Variants in UNC79 observed in about 807,000 individuals in gnomAD.
The protein encoded by UNC79 is unc-79 subunit of NALCN channel complex.
A neutral mutation model predicts 283.1 loss-of-function variants in UNC79; 37 were observed. The ratio of observed to expected loss-of-function variants is 0.13; its 90% CI spans 0.10 to 0.17. The LOEUF (loss-of-function observed/expected upper bound fraction) is 0.17, where lower values mean the gene tolerates loss of function less well. UNC79 is among the 10% of genes least tolerant of loss of function. UNC79 has a pLI of 1.00. For synonymous variants in UNC79, 1,107 were observed against 1,200.2 expected (o/e 0.92, Z 1.61); for missense variants, 2,272 against 3,211.1 (o/e 0.71, Z 7.07).
chr14:93,525,970 C>T (rs2060526397), intron 8 of UNC79, among the ~76,000 whole-genome samples: 1 of 152,110 alleles, frequency 6.6e-6, no homozygotes, highest in Admixed American at 6.5e-5. Context: ...TAGGTCAAAC[C>T]ATCCACTTTC....
Position 93,621,868 on chromosome 14 carries a change from T to A in UNC79, c.4635T>A (p.Pro1545=). The A allele has an allele frequency of 6.2e-7, 1 of 1,613,940 alleles. No homozygotes were observed. Among genetic ancestry groups the A allele is most frequent in the Non-Finnish European group, 8.5e-7 (1 of 1,179,988 alleles). The change falls in exon 30 of 49, where the codon CCT becomes CCA. Residue 1545 remains proline (P), a synonymous_variant. Transcript: ENST00000555664. The surrounding 1 kb of genome is among the most constrained non-coding windows in gnomAD (Gnocchi z 4.8). ...ATATCGCACAAAGACCAAACGACCC[T>A]GGACGTTCTAGACAGAACTCTGCTA...
At chr14:93,589,829 G>C (rs2064524132) in intron 22 of UNC79, among the ~76,000 whole-genome samples, 1 of 152,128 alleles carries the variant, frequency 6.6e-6, no homozygotes, top group Non-Finnish European at 1.5e-5. Flanking sequence ...TCGGAAAATA[G>C]AGGTGGGAGG....
chr14:93,394,760 G>A (rs970787111), intron 1 of UNC79, among the ~76,000 whole-genome samples: 1 of 152,186 alleles, frequency 6.6e-6, no homozygotes, highest in African/African-American at 2.4e-5. Context: ...CACCCAGGCT[G>A]GAGTATAGTG....
intron 1 of UNC79, chr14:93,464,497 C>G (rs909152228): frequency 2.2e-6 from 1 of 455,598 alleles, no homozygotes; most frequent in Admixed American, 2.4e-5. Flanking sequence ...ACTTAATCAC[C>G]CTTTTAAAGG....
At chr14:93,630,134 T>C (rs2067903615) in intron 30 of UNC79, among the ~76,000 whole-genome samples, 2 of 152,250 alleles carry the variant, frequency 1.3e-5, no homozygotes, top group Admixed American at 6.5e-5. Context: ...ACAAATAAAA[T>C]ACAAAATCTG....
At chr14:93,347,075 AG>A in intron 1 of UNC79, 2 of 532,902 alleles carry the variant, frequency 3.8e-6, no homozygotes, top group Non-Finnish European at 6.4e-6. Flanking sequence ...CAGAGAAAGG[AG>A]TGGTGAGCGG....
intron 29 of UNC79, among the ~76,000 whole-genome samples, chr14:93,620,173 C>T (rs903390544): frequency 3.3e-5 from 5 of 152,136 alleles, no homozygotes; most frequent in African/African-American, 9.7e-5. Context: ...TCATGAGATC[C>T]GTAATAGTTA....
intron 7 of UNC79, among the ~76,000 whole-genome samples, chr14:93,512,452 G>A (rs2059872133): frequency 6.6e-6 from 1 of 151,810 alleles, no homozygotes; most frequent in Admixed American, 6.6e-5. Context: ...GAAAAATTTG[G>A]GATATTATTC....
intron 23 of UNC79, 140 bp from the exon 24 acceptor site, chr14:93,597,219 T>C: frequency 1.2e-6 from 1 of 811,254 alleles, no homozygotes; most frequent in Non-Finnish European, 2.0e-6. Flanking sequence ...CCTGTTGGGA[T>C]TTAAAGTAAA....
In UNC79 at chr14:93,500,103, G is replaced by A. The variant is rs2059209069; in HGVS notation, c.898+2817G>A. Among the ~76,000 whole-genome samples, 3 of 152,142 alleles carry A rather than the reference G, an allele frequency of 2.0e-5. No homozygotes were observed. In the South Asian group the frequency reaches 6.2e-4, roughly 32 times the overall value. ...CAGGCTTTAGATGGAGAAGCCACTTGATGAGATTTGCCTGTTCAGAGCATC... is the reference window on the plus strand; with the variant it reads ...CAGGCTTTAGATGGAGAAGCCACTTAATGAGATTTGCCTGTTCAGAGCATC... On this transcript the variant is annotated intron_variant, in intron 7 of 48. Transcript: ENST00000555664.
intron 1 of UNC79, among the ~76,000 whole-genome samples, chr14:93,374,702 C>T (rs1414677765): frequency 6.6e-6 from 1 of 152,052 alleles, no homozygotes; most frequent in Non-Finnish European, 1.5e-5. Flanking sequence ...CCACAACTGG[C>T]TAATTTTTAA....
intron 23 of UNC79, 34 bp from the exon 24 acceptor site, chr14:93,597,325 A>ATTTT: frequency 1.2e-6 from 2 of 1,605,190 alleles, no homozygotes; most frequent in South Asian, 2.2e-5. Flanking sequence ...GTGTGTGTGT[A>ATTTT]TTTACGTATT....
chr14:93,356,923 C>T (rs1429056980), intron 1 of UNC79, among the ~76,000 whole-genome samples: 5 of 152,126 alleles, frequency 3.3e-5, no homozygotes, highest in East Asian at 1.9e-4. Flanking sequence ...AATTGTATGT[C>T]GTGAGGTTTG....
chr14:93,615,457 C>T (rs777146899), intron 27 of UNC79, among the ~76,000 whole-genome samples: 2 of 151,970 alleles, frequency 1.3e-5, no homozygotes, highest in Non-Finnish European at 2.9e-5. Flanking sequence ...GGCATGGTGG[C>T]TCATGCTTGT....
At chr14:93,673,942 G>T (rs1239619278) in intron 41 of UNC79, among the ~76,000 whole-genome samples, 4 of 152,134 alleles carry the variant, frequency 2.6e-5, no homozygotes, top group Non-Finnish European at 5.9e-5. Flanking sequence ...CCCACAGTTG[G>T]GTGTAGGTAC....
rs568528826 is a variant in UNC79, at chr14:93,335,459, T to G, written c.-351+1936T>G. 1.1e-4 allele frequency among the ~76,000 whole-genome samples: 16 copies of G among 152,332 alleles called. No individual in the cohort carries two copies. The South Asian group carries it at 3.1e-3, about 30-fold the overall frequency. On this transcript the variant is annotated intron_variant, in intron 1 of 49. Coordinates refer to the UNC79 transcript ENST00000256339. ...GTACTTAAGGAGCTTAGAATCTAAA[T>G]AAGAAGACAGAGTGAAAAACATTTT...
intron 1 of UNC79, among the ~76,000 whole-genome samples, chr14:93,335,661 G>A (rs1012031290): frequency 2.6e-5 from 4 of 152,156 alleles, no homozygotes; most frequent in African/African-American, 7.2e-5. Context: ...ATTATGACTC[G>A]AAAGGACATG....
intron 25 of UNC79, among the ~76,000 whole-genome samples, chr14:93,601,910 A>AT (rs1391018561): frequency 5.3e-5 from 8 of 151,934 alleles, no homozygotes; most frequent in Non-Finnish European, 1.2e-4. Flanking sequence ...TCTTTTGAGA[A>AT]TTTTCTATTC....
At chr14:93,377,346 G>C (rs576446243) in intron 1 of UNC79, among the ~76,000 whole-genome samples, 2 of 151,924 alleles carry the variant, frequency 1.3e-5, no homozygotes, top group South Asian at 4.1e-4. Flanking sequence ...CACCCGCCTC[G>C]GCCTCCCAAA....
Sources: gnomAD v4.1 joint callset for allele counts (sites outside exome capture counted in the v4.1 genomes callset) on GRCh38, gnomAD v4.1.1 for gene constraint, Gnocchi (gnomAD v3.1) non-coding constraint, MANE v1.5 for transcripts, NCBI Gene and HGNC (gene_info 2026-07-23, HGNC 2026-07-21) for gene names.